The following FBN2 variants were observed in gnomAD, a reference collection of about 807,000 sequenced individuals.
FBN2 encodes the protein fibrillin-2.
FBN2 carries 105 observed loss-of-function variants against 355.6 expected under a neutral mutation model. That is an observed-to-expected ratio of 0.30 (90% CI 0.25 to 0.35). The LOEUF is 0.35. Among genes scored for constraint, FBN2 ranks in the 10% least tolerant of loss-of-function variants. The probability of loss-of-function intolerance (pLI) is 1.00; values close to 1 mark genes in which losing one functional copy is unlikely to be tolerated. For synonymous variants in FBN2, 1,350 were observed against 1,301.2 expected (o/e 1.04, Z -0.81); for missense variants, 3,280 against 3,758.7 (o/e 0.87, Z 3.33).
At chr5:128,405,911 G>A (rs566674741) in intron 8 of FBN2, among the ~76,000 whole-genome samples, 1 of 152,086 alleles carries the variant, frequency 6.6e-6, no homozygotes, top group Non-Finnish European at 1.5e-5. Context: ...ACAAGTTTCC[G>A]GAAGCCAGGT....
At chr5:128,398,728 C>T (rs1581263939) in intron 8 of FBN2, among the ~76,000 whole-genome samples, 1 of 152,164 alleles carries the variant, frequency 6.6e-6, no homozygotes, top group South Asian at 2.1e-4. Flanking sequence ...TGTGTCCCCA[C>T]CCAAATCTCA....
At chr5:128,465,442 T>TC (rs1754684058) in intron 5 of FBN2, among the ~76,000 whole-genome samples, 1 of 152,236 alleles carries the variant, frequency 6.6e-6, no homozygotes, top group African/African-American at 2.4e-5. Context: ...GCAGAGATTT[T>TC]CTTTTCTGAC....
chr5:128,456,672 C>A (rs1236702508), intron 6 of FBN2, among the ~76,000 whole-genome samples: 5 of 151,954 alleles, frequency 3.3e-5, no homozygotes, highest in Non-Finnish European at 7.4e-5. Context: ...CTGAAGTGAA[C>A]CCCCAGCAAA....
intron 7 of FBN2, among the ~76,000 whole-genome samples, chr5:128,419,372 C>CT (rs1279188272): frequency 6.6e-6 from 1 of 152,140 alleles, no homozygotes; most frequent in East Asian, 1.9e-4. Context: ...TGAGAGTAGA[C>CT]ATCAGTCTTG....
At chr5:128,423,925 T>A (rs1238789711) in intron 7 of FBN2, among the ~76,000 whole-genome samples, 1 of 152,132 alleles carries the variant, frequency 6.6e-6, no homozygotes. Context: ...AGGAAATATA[T>A]TTAGACTCCA....
intron 3 of FBN2, among the ~76,000 whole-genome samples, chr5:128,530,033 C>A (rs957822260): frequency 1.1e-4 from 17 of 152,078 alleles, no homozygotes; most frequent in Admixed American, 4.6e-4. Context: ...AATTATTGAG[C>A]AATTAAATAA....
intron 48 of FBN2, among the ~76,000 whole-genome samples, chr5:128,299,429 A>AGCTTCGCTGCC (rs1749645927): frequency 2.6e-5 from 1 of 38,404 alleles, no homozygotes; most frequent in Admixed American, 3.0e-4. Context: ...CCCCTCCCCC[A>AGCTTCGCTGCC]GCCTCACAGT....
At chr5:128,381,474 T>C (rs2126963420) in intron 11 of FBN2, among the ~76,000 whole-genome samples, 1 of 152,270 alleles carries the variant, frequency 6.6e-6, no homozygotes, top group African/African-American at 2.4e-5. Context: ...TAGTGTTATC[T>C]TGGGCTCTTA....
At chr5:128,439,608 T>A (rs1049722756) in intron 7 of FBN2, among the ~76,000 whole-genome samples, 4 of 152,120 alleles carry the variant, frequency 2.6e-5, no homozygotes, top group Non-Finnish European at 5.9e-5. Flanking sequence ...ATTTGTGGAA[T>A]CTCTTTGTAC....
At position 128,272,294 on chromosome 5, in the gene FBN2, A is replaced by G. The variant is rs528715492; in HGVS notation, c.7841-176T>C. Among the ~76,000 whole-genome samples, 7 of 152,202 alleles carry G rather than the reference A, an allele frequency of 4.6e-5. No homozygotes were observed. The East Asian group carries it at 1.3e-3, about 29-fold the overall frequency. ...CATGGTTATTAGTCAGTGGTGGTGC[A>G]GGGAACAGTTCTGAGATAAGAGACC... On this transcript the variant is annotated intron_variant, in intron 61 of 64. Transcript: ENST00000262464.
At chr5:128,331,645 C>T (rs1750694854) in intron 32 of FBN2, among the ~76,000 whole-genome samples, 1 of 152,108 alleles carries the variant, frequency 6.6e-6, no homozygotes, top group Admixed American at 6.5e-5. Flanking sequence ...AACAAGCCAA[C>T]ATACCAGAGG....
At chr5:128,281,835 G>A (rs955866540) in intron 55 of FBN2, among the ~76,000 whole-genome samples, 5 of 151,970 alleles carry the variant, frequency 3.3e-5, no homozygotes, top group African/African-American at 7.3e-5. Flanking sequence ...ACAGGCGCCC[G>A]CCACCACGCC....
intron 54 of FBN2, 59 bp downstream of exon 54, chr5:128,287,249 A>G: frequency 1.9e-6 from 3 of 1,578,846 alleles, no homozygotes; most frequent in Non-Finnish European, 2.6e-6. Context: ...TAAAATCATT[A>G]AGATGTATCT....
At chr5:128,387,550 A>G (rs1253195723) in intron 11 of FBN2, among the ~76,000 whole-genome samples, 2 of 151,858 alleles carry the variant, frequency 1.3e-5, no homozygotes, top group Non-Finnish European at 1.5e-5. Flanking sequence ...TCCAGGTGTG[A>G]TGTTGTTAAT....
intron 55 of FBN2, among the ~76,000 whole-genome samples, chr5:128,285,513 A>C (rs184878982): frequency 8.0e-4 from 121 of 151,934 alleles, no homozygotes; most frequent in Middle Eastern, 6.8e-3. Context: ...CAAATGTAGA[A>C]TGCTGCTCTT....
At chr5:128,412,674 T>C (rs1440470285) in intron 7 of FBN2, among the ~76,000 whole-genome samples, 3 of 152,226 alleles carry the variant, frequency 2.0e-5, no homozygotes, top group Non-Finnish European at 4.4e-5. Flanking sequence ...GGGAAACTGA[T>C]GGACAATAAG....
At chr5:128,318,320 T>C (rs1438791215) in intron 35 of FBN2, 49 bp from the exon 36 acceptor site, 5 of 1,603,104 alleles carry the variant, frequency 3.1e-6, no homozygotes, top group South Asian at 1.1e-5. Flanking sequence ...ACTTTTTCTG[T>C]GCATACTGCT....
chr5:128,516,213 T>A (rs1756276954), intron 5 of FBN2, among the ~76,000 whole-genome samples: 1 of 152,164 alleles, frequency 6.6e-6, no homozygotes, highest in African/African-American at 2.4e-5. Context: ...GAATGCTGAC[T>A]CCATTTCTGT....
At chr5:128,274,762 G>A (rs1233596544) in intron 59 of FBN2, 79 bp from the exon 60 acceptor site, 2 of 879,790 alleles carry the variant, frequency 2.3e-6, no homozygotes, top group Non-Finnish European at 2.0e-6. Context: ...CACAGGAGAT[G>A]CACATGCTCC....
Sources: gnomAD v4.1 joint callset for allele counts (sites outside exome capture counted in the v4.1 genomes callset) on GRCh38, gnomAD v4.1.1 for gene constraint, MANE v1.5 for transcripts, NCBI Gene and HGNC (gene_info 2026-07-23, HGNC 2026-07-21) for gene names.